PIK3C2G: variants seen among roughly 807,000 people sequenced by gnomAD.
PIK3C2G encodes phosphatidylinositol-4-phosphate 3-kinase catalytic subunit type 2 gamma.
PIK3C2G carries 168 observed loss-of-function variants against 181.1 expected under a neutral mutation model. The observed-to-expected ratio is 0.93, with a 90% CI of 0.82 to 1.05. The LOEUF (loss-of-function observed/expected upper bound fraction) is 1.05. Ranked by LOEUF, PIK3C2G falls within the 50% of genes least tolerant of loss-of-function variation. The pLI is 0.00. For missense variants in PIK3C2G, 1,869 were observed against 1,732.8 expected, an observed-to-expected ratio of 1.08 and a Z score of -1.40; for synonymous variants, 573 against 592.2, an observed-to-expected ratio of 0.97 and a Z score of 0.47.
chr12:18,451,781 G>C (rs982186193), intron 18 of PIK3C2G, among the ~76,000 whole-genome samples: 1 of 152,226 alleles, frequency 6.6e-6, no homozygotes. Context: ...TAGCATGAAG[G>C]GGTGTTGAAT....
At position 18,371,219 on chromosome 12, in the gene PIK3C2G, A is replaced by G; in HGVS notation, c.1788A>G (p.Glu596=). The change falls in exon 13 of 33, where the codon GAA becomes GAG. Residue 596 remains glutamate (E), a synonymous_variant. Transcript: ENST00000538779. ...TTGAAATAAAGTCACTTCCAAGGGAATCCATGCTCACTGTAAAACTGTTTG... is the reference window on the plus strand; with the variant it reads ...TTGAAATAAAGTCACTTCCAAGGGAGTCCATGCTCACTGTAAAACTGTTTG... ...FPLEIKSLPR[E]SMLTVKLFGI... The G allele has an allele frequency of 6.2e-7, 1 of 1,611,936 alleles. No homozygotes were observed. Among genetic ancestry groups the G allele is most frequent in the Non-Finnish European group, 8.5e-7 (1 of 1,178,662 alleles).
the PIK3C2G span, among the ~76,000 whole-genome samples, chr12:18,676,129 G>T: frequency 6.6e-6 from 1 of 152,050 alleles, no homozygotes; most frequent in Non-Finnish European, 1.5e-5. Context: ...GCCATCTTGG[G>T]ACTGTGAGGC....
intron 18 of PIK3C2G, among the ~76,000 whole-genome samples, chr12:18,479,820 C>G (rs1939381279): frequency 6.6e-6 from 1 of 152,136 alleles, no homozygotes; most frequent in South Asian, 2.1e-4. Context: ...AAGCTGGGCT[C>G]TTGTCATAGG....
intron 24 of PIK3C2G, among the ~76,000 whole-genome samples, chr12:18,518,219 G>C (rs905714551): frequency 6.6e-6 from 1 of 152,100 alleles, no homozygotes; most frequent in African/African-American, 2.4e-5. Context: ...GCCTCTGCCA[G>C]GTTTTGGCAT....
intron 29 of PIK3C2G, among the ~76,000 whole-genome samples, chr12:18,577,641 GA>G (rs1194117552): frequency 6.6e-6 from 1 of 152,136 alleles, no homozygotes; most frequent in Non-Finnish European, 1.5e-5. Context: ...GAGTTTCAAG[GA>G]GGGGAATCCT....
chr12:18,348,931 T>A (rs752150468), intron 11 of PIK3C2G, among the ~76,000 whole-genome samples: 2 of 152,106 alleles, frequency 1.3e-5, no homozygotes, highest in East Asian at 3.9e-4. Flanking sequence ...GGCTGAAGAA[T>A]CCACTTCTAA....
chr12:18,675,534 A>T, the PIK3C2G span, among the ~76,000 whole-genome samples: 32 of 152,174 alleles, frequency 2.1e-4, no homozygotes, highest in Non-Finnish European at 1.2e-4. Flanking sequence ...CACCCAAAGG[A>T]AAAGAAATGA....
the PIK3C2G span, among the ~76,000 whole-genome samples, chr12:18,716,088 A>G: frequency 1.3e-5 from 2 of 152,142 alleles, no homozygotes; most frequent in African/African-American, 4.8e-5. Context: ...TGGAGAAGAA[A>G]CAATGTTTAT....
rs185660057 is a variant in PIK3C2G at position 18,314,082 on chromosome 12, T to A, written c.1137+18T>A. On this transcript the variant is annotated intron_variant, in intron 6 of 32. Transcript: ENST00000538779. ...CTCGAAAGGTAAGACTTTCTTAGCA[T>A]TGGTTTCAATTGGCAAACTGACAGT... is the stretch of plus-strand genomic sequence containing the variant. 6,008 of 1,254,156 alleles carry A rather than the reference T, an allele frequency of 4.8e-3. 21 individuals carry two copies. Among genetic ancestry groups the A allele is most frequent in the Non-Finnish European group, 6.5e-3 (5,693 of 880,696 alleles). The allele number at this position is 1,254,156 out of a possible 1,614,324, so 77.7% of individuals were successfully genotyped here. A position where few individuals can be genotyped will look rare whatever the true frequency, so the allele number is the denominator to read the frequency against.
At chr12:18,276,141 T>G (rs371452470) in intron 1 of PIK3C2G, among the ~76,000 whole-genome samples, 4 of 152,156 alleles carry the variant, frequency 2.6e-5, no homozygotes, top group African/African-American at 9.7e-5. Flanking sequence ...TGATAATAAT[T>G]GAATCATTAT....
intron 14 of PIK3C2G, among the ~76,000 whole-genome samples, chr12:18,390,511 C>T (rs535470704): frequency 2.0e-5 from 3 of 151,946 alleles, no homozygotes; most frequent in African/African-American, 7.2e-5. Flanking sequence ...GTAGACTGAG[C>T]CAGAAAAAAA....
At chr12:18,632,521 C>T (rs1223219851) in intron 31 of PIK3C2G, among the ~76,000 whole-genome samples, 1 of 152,070 alleles carries the variant, frequency 6.6e-6, no homozygotes, top group Admixed American at 6.6e-5. Flanking sequence ...TAGTCATAAG[C>T]ATCAATATAG....
At chr12:18,280,075 C>G (rs1214375634) in intron 1 of PIK3C2G, among the ~76,000 whole-genome samples, 2 of 151,918 alleles carry the variant, frequency 1.3e-5, no homozygotes, top group East Asian at 3.9e-4. Flanking sequence ...TTGTCTTTAC[C>G]ACATGCACAC....
chr12:18,309,094 C>T lies in PIK3C2G; in HGVS notation c.1035-4868C>T, dbSNP rs961520921. On this transcript the variant is annotated intron_variant, in intron 5 of 32. Transcript: ENST00000538779. ...TTCTTTGATACTACACCAAAATCAA[C>T]AAGTAATAGTCTTTTAAAATTTAGA... Among the ~76,000 whole-genome samples the T allele has an allele frequency of 2.0e-5, 3 of 150,714 alleles. No homozygotes were observed. The Admixed American group carries it at 2.0e-4, about 10-fold the overall frequency.
chr12:18,277,375 C>T (rs894381590), intron 1 of PIK3C2G, among the ~76,000 whole-genome samples: 1 of 152,040 alleles, frequency 6.6e-6, no homozygotes, highest in Non-Finnish European at 1.5e-5. Context: ...CACTCAGAGC[C>T]CTCTCAGTAA....
the PIK3C2G span, among the ~76,000 whole-genome samples, chr12:18,658,219 A>G: frequency 1.3e-5 from 2 of 152,166 alleles, no homozygotes; most frequent in Non-Finnish European, 2.9e-5. Flanking sequence ...GTATATTAAC[A>G]TTTGCATATT....
intron 30 of PIK3C2G, among the ~76,000 whole-genome samples, chr12:18,603,637 T>C (rs1947849799): frequency 6.6e-6 from 1 of 152,074 alleles, no homozygotes; most frequent in Non-Finnish European, 1.5e-5. Flanking sequence ...CCAGTTAACC[T>C]ATAAAGGAAA....
chr12:18,548,779 A>C (rs1297050730), intron 26 of PIK3C2G, among the ~76,000 whole-genome samples: 2 of 152,046 alleles, frequency 1.3e-5, no homozygotes, highest in Non-Finnish European at 2.9e-5. Flanking sequence ...GCATCAAATT[A>C]TGGAAACTAG....
intron 9 of PIK3C2G, among the ~76,000 whole-genome samples, chr12:18,339,309 G>T (rs2137602863): frequency 6.6e-6 from 1 of 152,228 alleles, no homozygotes; most frequent in East Asian, 1.9e-4. Flanking sequence ...AAAATAGTTT[G>T]ACATATGCAT....
Sources: gnomAD v4.1 joint callset for allele counts (sites outside exome capture counted in the v4.1 genomes callset) on GRCh38, gnomAD v4.1.1 for gene constraint, MANE v1.5 for transcripts, NCBI Gene and HGNC (gene_info 2026-07-23, HGNC 2026-07-21) for gene names.